GFRA2: variants seen among roughly 807,000 people sequenced by gnomAD.
GFRA2 encodes the protein GDNF family receptor alpha 2, also known as GDNF family receptor alpha-2.
A neutral mutation model predicts 48.3 loss-of-function variants in GFRA2; 17 were observed. That is an observed-to-expected ratio of 0.35 (90% CI 0.24 to 0.53). The LOEUF is 0.53. Among genes scored for constraint, GFRA2 ranks in the 20% least tolerant of loss-of-function variants. The probability of loss-of-function intolerance (pLI) is 0.93; values close to 1 mark genes in which losing one functional copy is unlikely to be tolerated. For synonymous variants in GFRA2, 305 were observed against 257.2 expected (o/e 1.19, Z -1.78); for missense variants, 660 against 637.3 (o/e 1.04, Z -0.38).
chr8:21,790,832 A>C (rs1807558156), upstream of GFRA2, among the ~76,000 whole-genome samples: 7 of 152,290 alleles, frequency 4.6e-5, 1 homozygote, highest in South Asian at 1.5e-3. Flanking sequence ...TTTTTTCCAA[A>C]AATTGGGGAG....
intron 2 of GFRA2, among the ~76,000 whole-genome samples, chr8:21,776,788 GC>G (rs1429793675): frequency 2.0e-5 from 3 of 151,904 alleles, no homozygotes; most frequent in African/African-American, 7.3e-5. Flanking sequence ...ATTATTTACG[GC>G]CCATATCTGA....
chr8:21,707,692 T>G (rs371802784), intron 4 of GFRA2, among the ~76,000 whole-genome samples: 1 of 152,196 alleles, frequency 6.6e-6, no homozygotes, highest in African/African-American at 2.4e-5. Flanking sequence ...TAGTTTCTTA[T>G]GTATCAAATG....
At chr8:21,704,487 A>G (rs972712040) in intron 6 of GFRA2, among the ~76,000 whole-genome samples, 2 of 152,108 alleles carry the variant, frequency 1.3e-5, no homozygotes, top group African/African-American at 4.8e-5. Context: ...TAATGGAGGG[A>G]AGGAAAGAGG....
At chr8:21,777,303 G>A (rs1806753426) in intron 2 of GFRA2, among the ~76,000 whole-genome samples, 1 of 151,782 alleles carries the variant, frequency 6.6e-6, no homozygotes. Flanking sequence ...TCTTCTGTCC[G>A]CCAGATGGTG....
chr8:21,803,853 A>C (rs1807812400), intron 2 of GFRA2, among the ~76,000 whole-genome samples: 1 of 152,148 alleles, frequency 6.6e-6, no homozygotes, highest in South Asian at 2.1e-4. Context: ...GGCTAGTCTG[A>C]AACTCCCAGC....
chr8:21,797,586 A>T (rs1339372278), intron 2 of GFRA2: 2 of 151,896 alleles, frequency 1.3e-5, no homozygotes, highest in Non-Finnish European at 2.9e-5. Context: ...CATTCTGAAG[A>T]TACCCTCAGG....
chr8:21,774,850 C>T (rs1274097714), intron 3 of GFRA2, 122 bp downstream of exon 3: 58 of 661,056 alleles, frequency 8.8e-5, no homozygotes, highest in Middle Eastern at 2.6e-4. Context: ...CGTTGAGGGA[C>T]GAGCTGATGG....
chr8:21,750,632 G>A lies in GFRA2; in HGVS notation c.750C>T (p.Asn250=), dbSNP rs1301861190. 2.5e-6 allele frequency: 4 copies of A among 1,613,342 alleles called. No individual in the cohort carries two copies. In the East Asian group the frequency reaches 6.7e-5, roughly 27 times the overall value. The change falls in exon 4 of 9, where the codon AAC becomes AAT. Residue 250 remains asparagine, a synonymous_variant. Coordinates refer to ENST00000524240, the MANE Select transcript of GFRA2 (RefSeq NM_001495.5). This position sits in a 1 kb window ranked among gnomAD's most constrained non-coding sequence, Gnocchi z 5.7. ...GGCACACGCCACGCAGGTCCAGGCA[G>A]TTGGGCTTCTCCTTGTCCTCATAGG... The part of the protein sequence containing the change: ...SCSYEDKEKP[N]CLDLRGVCRT...
chr8:21,758,504 G>A (rs77283721), intron 3 of GFRA2, among the ~76,000 whole-genome samples: 1 of 152,098 alleles, frequency 6.6e-6, no homozygotes, highest in Admixed American at 6.5e-5. Flanking sequence ...TGCAGCTGCA[G>A]TGTCCGTCCC....
intron 7 of GFRA2, among the ~76,000 whole-genome samples, chr8:21,701,432 A>T (rs578190540): frequency 1.3e-5 from 2 of 152,278 alleles, no homozygotes; most frequent in African/African-American, 4.8e-5. Context: ...TTGTAATTAA[A>T]ACTGAATCAG....
chr8:21,712,678 T>C (rs1335449202), intron 4 of GFRA2, among the ~76,000 whole-genome samples: 2 of 152,090 alleles, frequency 1.3e-5, no homozygotes, highest in East Asian at 1.9e-4. Flanking sequence ...GAGGTTGTAG[T>C]GAGCCGAGAT....
chr8:21,807,845 T>G (rs537483309), intron 1 of GFRA2, among the ~76,000 whole-genome samples: 2 of 152,362 alleles, frequency 1.3e-5, no homozygotes, highest in Admixed American at 1.3e-4. Flanking sequence ...GTCTGTAACA[T>G]GGACATCATA....
At chr8:21,736,527 C>T (rs1290544271) in intron 4 of GFRA2, among the ~76,000 whole-genome samples, 1 of 151,968 alleles carries the variant, frequency 6.6e-6, no homozygotes, top group African/African-American at 2.4e-5. Flanking sequence ...GACAGGGTCT[C>T]ACTCTGTTGC....
chr8:21,727,716 G>A (rs1328811755), intron 4 of GFRA2, among the ~76,000 whole-genome samples: 1 of 152,170 alleles, frequency 6.6e-6, no homozygotes, highest in East Asian at 1.9e-4. Flanking sequence ...CCTCCCCGCT[G>A]GGCCTCCCTC....
intron 4 of GFRA2, among the ~76,000 whole-genome samples, chr8:21,707,364 G>C (rs1802799370): frequency 6.6e-6 from 1 of 152,254 alleles, no homozygotes; most frequent in African/African-American, 2.4e-5. Flanking sequence ...AGGAGAGACA[G>C]ACAGAAGGCT....
intron 7 of GFRA2, among the ~76,000 whole-genome samples, chr8:21,697,825 T>C (rs141923130): frequency 2.0e-5 from 3 of 152,192 alleles, no homozygotes; most frequent in African/African-American, 7.2e-5. Flanking sequence ...GATGGTTTTA[T>C]AGATGGGAAT....
At chr8:21,710,721 G>C (rs1373222564) in intron 4 of GFRA2, among the ~76,000 whole-genome samples, 1 of 152,224 alleles carries the variant, frequency 6.6e-6, no homozygotes, top group African/African-American at 2.4e-5. Context: ...CAGGGCCTTG[G>C]AGAGCTATTC....
chr8:21,714,967 G>C lies in GFRA2; in HGVS notation c.795-8926C>G, dbSNP rs144411382. On this transcript the variant is annotated intron_variant, in intron 4 of 8. Coordinates refer to ENST00000524240, the MANE Select transcript of GFRA2 (RefSeq NM_001495.5). ...GAAAATGGCCTTAATAGCCCCAAGT[G>C]CCTCTGGAATGGCTTTCTAACGTCC... Among the ~76,000 whole-genome samples, 1,510 of 152,334 alleles carry C rather than the reference G, an allele frequency of 9.9e-3. 8 individuals carry two copies. Among genetic ancestry groups the C allele is most frequent in the Non-Finnish European group, 0.016 (1,058 of 68,024 alleles).
chr8:21,801,316 A>C (rs1807766380), intron 2 of GFRA2, among the ~76,000 whole-genome samples: 1 of 152,126 alleles, frequency 6.6e-6, no homozygotes, highest in Non-Finnish European at 1.5e-5. Context: ...GGGAGGCAGG[A>C]GGACAGGGCT....
Sources: allele counts gnomAD v4.1 joint callset (sites outside exome capture counted in the v4.1 genomes callset), GRCh38; gene constraint gnomAD v4.1.1; non-coding constraint Gnocchi (gnomAD v3.1); transcripts MANE v1.5; gene names NCBI Gene and HGNC (gene_info 2026-07-23, HGNC 2026-07-21).